The following PCDHGB7 variants were observed in gnomAD, a reference collection of about 807,000 sequenced individuals.
PCDHGB7 encodes protocadherin gamma-B7.
PCDHGB7 carries 37 observed loss-of-function variants against 61.4 expected under a neutral mutation model. That is an observed-to-expected ratio of 0.60 (90% CI 0.46 to 0.79). The LOEUF (loss-of-function observed/expected upper bound fraction) is 0.79, where lower values mean the gene tolerates loss of function less well. PCDHGB7 is among the 30% of genes least tolerant of loss of function. The probability of loss-of-function intolerance (pLI) is 0.00; values close to 1 mark genes in which losing one functional copy is unlikely to be tolerated. For missense variants in PCDHGB7, 1,166 were observed against 1,202.5 expected, an observed-to-expected ratio of 0.97 and a Z score of 0.45; for synonymous variants, 464 against 503.5, an observed-to-expected ratio of 0.92 and a Z score of 1.05.
chr5:141,430,809 G>A (rs949727881), intron 1 of PCDHGB7: 5 of 1,527,014 alleles, frequency 3.3e-6, no homozygotes, highest in Non-Finnish European at 4.4e-6. Context: ...GTCCTGCTGG[G>A]AATCCTCCTG....
At chr5:141,472,980 C>CAAAAAAAAAAAAAAAAAAAAAA (rs60579131) in intron 1 of PCDHGB7, among the ~76,000 whole-genome samples, 6 of 86,102 alleles carry the variant, frequency 7.0e-5, no homozygotes, top group African/African-American at 1.2e-4. Flanking sequence ...GAGTGAAACT[C>CAAAAAAAAAAAAAAAAAAAAAA]AAAAAAAAAA....
At chr5:141,453,046 T>C (rs1561950003) in intron 1 of PCDHGB7, among the ~76,000 whole-genome samples, 1 of 152,186 alleles carries the variant, frequency 6.6e-6, no homozygotes, top group Non-Finnish European at 1.5e-5. Context: ...GTTTCTATTA[T>C]GTGCAGTTTT....
rs1296142784 is a variant in PCDHGB7 at position 141,431,302 on chromosome 5, C to T, written c.2415+11028C>T. ...GCCCGAACACTCACTTCTCCCTCAT[C>T]GTGCAAAATGGAGCCGACGGTAGTA... is the stretch of plus-strand genomic sequence containing the variant. On this transcript the variant is annotated intron_variant, in intron 1 of 3. Coordinates refer to ENST00000398594, the MANE Select transcript of PCDHGB7 (RefSeq NM_018927.4). This position sits in a 1 kb window ranked among gnomAD's most constrained non-coding sequence, Gnocchi z 4.8. 2 of 1,614,028 alleles carry T rather than the reference C, an allele frequency of 1.2e-6. No individual in the cohort carries two copies. Among genetic ancestry groups the T allele is most frequent in the African/African-American group, 1.3e-5 (1 of 74,946 alleles).
chr5:141,434,174 C>T (rs1310074584), intron 1 of PCDHGB7, among the ~76,000 whole-genome samples: 1 of 152,132 alleles, frequency 6.6e-6, no homozygotes, highest in Non-Finnish European at 1.5e-5. Flanking sequence ...GGGATTATAT[C>T]CAAGATTTGT....
intron 2 of PCDHGB7, among the ~76,000 whole-genome samples, chr5:141,503,984 C>T (rs967348519): frequency 2.0e-5 from 3 of 152,184 alleles, no homozygotes; most frequent in African/African-American, 7.2e-5. Context: ...AACCCTTCTT[C>T]TTACCTTACA....
chr5:141,478,847 AAC>A (rs2099480409), intron 1 of PCDHGB7: 1 of 1,389,782 alleles, frequency 7.2e-7, no homozygotes, highest in South Asian at 1.5e-5. Context: ...GTTAAGCTAA[AAC>A]ACAAGATCTC....
In PCDHGB7 at chr5:141,445,206, A is replaced by G. The variant is rs1244524491; in HGVS notation, c.2415+24932A>G. On this transcript the variant is annotated intron_variant, in intron 1 of 3. Transcript: ENST00000398594. ...TTTTTATGTATTCTATATGCTTTTGAAAAGTAAGAGGTGCAAAGTGCTCTA... is the reference window on the plus strand; with the variant it reads ...TTTTTATGTATTCTATATGCTTTTGGAAAGTAAGAGGTGCAAAGTGCTCTA... 3.3e-5 allele frequency among the ~76,000 whole-genome samples: 5 copies of G among 152,182 alleles called. No individual in the cohort carries two copies. The East Asian group carries it at 7.7e-4, about 23-fold the overall frequency.
chr5:141,498,390 T>C (rs2099783500), intron 2 of PCDHGB7, among the ~76,000 whole-genome samples: 1 of 151,982 alleles, frequency 6.6e-6, no homozygotes, highest in Non-Finnish European at 1.5e-5. Context: ...ATCAAGGGAA[T>C]GGCAGGGAGT....
Position 141,491,009 on chromosome 5 carries a change from C to A in PCDHGB7, c.2416-3798C>A. On this transcript the variant is annotated intron_variant, in intron 1 of 3. Transcript: ENST00000398594. This position sits in a 1 kb window ranked among gnomAD's most constrained non-coding sequence, Gnocchi z 6.9. ...TCTGCTCCTCCTGGCTCCTTGGTCA[C>A]CAAGGTGACAGCCGTGGATGCTGAT... 4 of 1,614,140 alleles carry A rather than the reference C, an allele frequency of 2.5e-6. No homozygotes were observed. Among genetic ancestry groups the A allele is most frequent in the Non-Finnish European group, 3.4e-6 (4 of 1,180,038 alleles).
chr5:141,481,895 A>G (rs1285005477), intron 1 of PCDHGB7, among the ~76,000 whole-genome samples: 2 of 147,522 alleles, frequency 1.4e-5, no homozygotes, highest in Non-Finnish European at 3.0e-5. Context: ...GCCTGGGTGA[A>G]AGAGCGAAAC....
chr5:141,418,566 A>G lies in PCDHGB7; in HGVS notation c.707A>G (p.Asn236Ser), dbSNP rs2096269931. Reference protein sequence around the residue: ...AQIRILVIDANDNPPVFSQDV... With the variant: ...AQIRILVIDASDNPPVFSQDV... ...ATAAGAATCCTGGTAATAGATGCCAATGACAACCCCCCAGTGTTCAGCCAG... is the reference window on the plus strand; with the variant it reads ...ATAAGAATCCTGGTAATAGATGCCAGTGACAACCCCCCAGTGTTCAGCCAG... The change falls in exon 1 of 4, where the codon AAT becomes AGT. Residue 236 changes from asparagine to serine, a missense_variant. By Grantham distance (46) the Asn-to-Ser change is conservative. Coordinates refer to ENST00000398594, the MANE Select transcript of PCDHGB7 (RefSeq NM_018927.4). 2 of 1,614,054 alleles carry G rather than the reference A, an allele frequency of 1.2e-6. No individual in the cohort carries two copies. The highest frequency in any genetic ancestry group is 1.1e-5 in the South Asian group (1 of 91,090).
intron 1 of PCDHGB7, among the ~76,000 whole-genome samples, chr5:141,472,346 C>G (rs1393301393): frequency 6.6e-6 from 1 of 151,722 alleles, no homozygotes; most frequent in Non-Finnish European, 1.5e-5. Flanking sequence ...TCGAGACCAT[C>G]CTGGCTAACA....
intron 2 of PCDHGB7, among the ~76,000 whole-genome samples, chr5:141,499,352 CA>C (rs2099791418): frequency 6.6e-6 from 1 of 152,058 alleles, no homozygotes; most frequent in South Asian, 2.1e-4. Context: ...AGTCATTCAA[CA>C]AACAAATAGC....
intron 1 of PCDHGB7, chr5:141,423,278 A>C: frequency 1.2e-6 from 2 of 1,613,940 alleles, no homozygotes; most frequent in Non-Finnish European, 1.7e-6. Flanking sequence ...TCTCTGGCTA[A>C]CTCTGAAACC....
At chr5:141,483,648 TTGTGTGTGTG>T (rs111458813) in intron 1 of PCDHGB7, among the ~76,000 whole-genome samples, 35 of 149,708 alleles carry the variant, frequency 2.3e-4, no homozygotes, top group Non-Finnish European at 4.6e-4. Flanking sequence ...GGGTGTGTGT[TTGTGTGTGTG>T]TGTGTGTGTG....
In PCDHGB7 at chr5:141,419,435, C is replaced by T; in HGVS notation, c.1576C>T (p.Arg526Cys). 1 of 1,613,226 alleles carries T rather than the reference C, an allele frequency of 6.2e-7. No homozygotes were observed. The highest frequency in any genetic ancestry group is 8.5e-7 in the Non-Finnish European group (1 of 1,179,812). ...AQRAFDHEQL[R>C]TFELTLQARD... is the part of the protein sequence containing the mutation. ...GCGCGCCTTCGACCACGAGCAGCTG[C>T]GCACCTTCGAGCTCACGCTGCAGGC... The change falls in exon 1 of 4, where the codon CGC becomes TGC. Residue 526 changes from arginine (R) to cysteine (C), a missense_variant. Physicochemically the swap from Arg to Cys is radical, Grantham distance 180 (BLOSUM62 -3). Coordinates refer to ENST00000398594, the MANE Select transcript of PCDHGB7 (RefSeq NM_018927.4).
intron 1 of PCDHGB7, among the ~76,000 whole-genome samples, chr5:141,447,104 A>G (rs1212797996): frequency 2.0e-5 from 3 of 151,958 alleles, no homozygotes; most frequent in African/African-American, 7.3e-5. Flanking sequence ...TCACATGATT[A>G]TATGTGCTCC....
intron 1 of PCDHGB7, chr5:141,423,694 T>C (rs1008861889): frequency 1.3e-6 from 2 of 1,501,552 alleles, no homozygotes; most frequent in Middle Eastern, 1.8e-4. Flanking sequence ...TAATTGTTGG[T>C]GTCTTGGCAC....
At chr5:141,492,834 G>T (rs544218873) in intron 1 of PCDHGB7, among the ~76,000 whole-genome samples, 36 of 152,332 alleles carry the variant, frequency 2.4e-4, no homozygotes, top group Non-Finnish European at 4.1e-4. Flanking sequence ...CCTTCCTCCC[G>T]CAGGAAGTGA....
Sources: allele counts gnomAD v4.1 joint callset (sites outside exome capture counted in the v4.1 genomes callset), GRCh38; gene constraint gnomAD v4.1.1; non-coding constraint Gnocchi (gnomAD v3.1); transcripts MANE v1.5; gene names NCBI Gene and HGNC (gene_info 2026-07-23, HGNC 2026-07-21).